The following RAPGEF5 variants were observed in gnomAD, a reference collection of about 807,000 sequenced individuals.
RAPGEF5 encodes M-Ras-regulated GEF.
RAPGEF5 carries 65 observed loss-of-function variants against 125.2 expected under a neutral mutation model. That is an observed-to-expected ratio of 0.52 (90% CI 0.43 to 0.64). The LOEUF is 0.64. Ranked by LOEUF, RAPGEF5 falls within the 30% of genes least tolerant of loss-of-function variation. The pLI is 0.00. For missense variants in RAPGEF5, 958 were observed against 1,048.1 expected (o/e 0.91, Z 1.19); for synonymous variants, 391 against 385.9 (o/e 1.01, Z -0.16).
In RAPGEF5 at chr7:22,308,417, T is replaced by C. The variant is rs1412200431; in HGVS notation, c.602A>G (p.Glu201Gly). 1 of 1,583,240 alleles carries C rather than the reference T, an allele frequency of 6.3e-7. No individual in the cohort carries two copies. Among genetic ancestry groups the C allele is most frequent in the African/African-American group, 1.3e-5 (1 of 74,368 alleles). ...CTTGACACCATTTTGCCATTCTTCT[T>C]CTCTTTCAAATTCACAGTACAAGTA... ...CSYLYCEFER[E>G]EEWQNGVKLL... is the part of the protein sequence containing the mutation. Residue 201 changes from glutamate to glycine, a missense_variant, in exon 5 of 26, where the codon GAA becomes GGA. By Grantham distance (98) the Glu-to-Gly change is moderately conservative. Coordinates refer to ENST00000665637, the MANE Select transcript of RAPGEF5 (RefSeq NM_012294.5).
At chr7:22,172,147 G>C (rs1784369567) in intron 11 of RAPGEF5, among the ~76,000 whole-genome samples, 2 of 151,622 alleles carry the variant, frequency 1.3e-5, no homozygotes, top group African/African-American at 4.8e-5. Flanking sequence ...TTTTGAGATG[G>C]AGTCTCACTC....
intron 24 of RAPGEF5, among the ~76,000 whole-genome samples, chr7:22,127,310 A>T (rs1255587087): frequency 6.6e-6 from 1 of 152,104 alleles, no homozygotes; most frequent in Non-Finnish European, 1.5e-5. Flanking sequence ...AAGGGCTGGG[A>T]TTACAGGCAT....
intron 2 of RAPGEF5, among the ~76,000 whole-genome samples, chr7:22,317,217 G>T (rs1374415544): frequency 6.7e-6 from 1 of 149,500 alleles, no homozygotes; most frequent in Non-Finnish European, 1.5e-5. Context: ...TCTCCTGTTA[G>T]CCTAAAAAAT....
chr7:22,325,050 C>A (rs1783786841), intron 1 of RAPGEF5, among the ~76,000 whole-genome samples: 1 of 152,170 alleles, frequency 6.6e-6, no homozygotes, highest in Non-Finnish European at 1.5e-5. Flanking sequence ...TTGCCATGAT[C>A]TCTGCTCTGT....
intron 1 of RAPGEF5, among the ~76,000 whole-genome samples, chr7:22,349,810 C>G (rs1221764349): frequency 2.0e-5 from 3 of 152,134 alleles, no homozygotes; most frequent in Non-Finnish European, 4.4e-5. Context: ...TAGTTCTGGG[C>G]TCCATTCTTT....
chr7:22,140,332 C>T (rs1260240166), intron 20 of RAPGEF5, among the ~76,000 whole-genome samples: 2 of 152,202 alleles, frequency 1.3e-5, no homozygotes, highest in East Asian at 1.9e-4. Flanking sequence ...GATCCGTGCT[C>T]TTGACACCCT....
At chr7:22,279,884 C>G (rs569595152) in intron 6 of RAPGEF5, among the ~76,000 whole-genome samples, 1 of 152,106 alleles carries the variant, frequency 6.6e-6, no homozygotes, top group Non-Finnish European at 1.5e-5. Flanking sequence ...GCAAATGGGG[C>G]ACATGGAGGC....
intron 11 of RAPGEF5, among the ~76,000 whole-genome samples, chr7:22,191,138 C>T (rs576534571): frequency 2.6e-5 from 4 of 152,254 alleles, no homozygotes; most frequent in Admixed American, 2.0e-4. Flanking sequence ...GACAAGGGGT[C>T]CTGTTACTTT....
At chr7:22,293,977 C>T (rs901828322) in intron 5 of RAPGEF5, among the ~76,000 whole-genome samples, 8 of 152,172 alleles carry the variant, frequency 5.3e-5, no homozygotes, top group Admixed American at 3.3e-4. Flanking sequence ...TGTGTAAATA[C>T]TTTTCAGTGC....
At chr7:22,124,254 A>G (rs1782670485) in intron 25 of RAPGEF5, among the ~76,000 whole-genome samples, 1 of 152,232 alleles carries the variant, frequency 6.6e-6, no homozygotes, top group Non-Finnish European at 1.5e-5. Context: ...AATCCCCAGT[A>G]AACACTTGGG....
intron 4 of RAPGEF5, 141 bp from the exon 5 acceptor site, chr7:22,308,648 T>C (rs560374005): frequency 2.9e-6 from 2 of 683,694 alleles, no homozygotes; most frequent in Non-Finnish European, 4.5e-6. Flanking sequence ...AGCTCATTCA[T>C]GTTTATAATC....
chr7:22,147,067 G>C, intron 18 of RAPGEF5, 48 bp from the exon 19 acceptor site: 1 of 1,598,974 alleles, frequency 6.3e-7, no homozygotes, highest in Non-Finnish European at 8.5e-7. Flanking sequence ...CAAATGTTTT[G>C]CACTGCATTG....
chr7:22,185,851 TTAATC>T (rs2128123275), intron 11 of RAPGEF5, among the ~76,000 whole-genome samples: 1 of 152,076 alleles, frequency 6.6e-6, no homozygotes, highest in African/African-American at 2.4e-5. Flanking sequence ...TGCAAACAAA[TTAATC>T]TAATTTTTTT....
rs1336541796 is a variant in RAPGEF5 at position 22,222,226 on chromosome 7, G to A, written c.871-2235C>T. 5.3e-5 allele frequency among the ~76,000 whole-genome samples: 8 copies of A among 152,118 alleles called. No individual in the cohort carries two copies. In the East Asian group the frequency reaches 1.4e-3, roughly 26 times the overall value. ...ACGCCAGTGCACTGGACGACAGAGC[G>A]AGAGTCCATCTCAAAACAAAAACAA... is the stretch of plus-strand genomic sequence containing the variant. On this transcript the variant is annotated intron_variant, in intron 8 of 25. Transcript: ENST00000665637.
intron 7 of RAPGEF5, among the ~76,000 whole-genome samples, chr7:22,249,158 A>C (rs1263591903): frequency 6.6e-6 from 1 of 152,116 alleles, no homozygotes; most frequent in Admixed American, 6.6e-5. Flanking sequence ...AGATACACTT[A>C]ATTGGAGCCA....
At chr7:22,207,658 T>G (rs1388157572) in intron 9 of RAPGEF5, among the ~76,000 whole-genome samples, 1 of 152,232 alleles carries the variant, frequency 6.6e-6, no homozygotes, top group Non-Finnish European at 1.5e-5. Flanking sequence ...CTCTGGACTG[T>G]TAAACACCTG....
Position 22,160,522 on chromosome 7 carries a change from G to T in RAPGEF5, c.1522C>A (p.Arg508Ser). 1.3e-6 allele frequency: 2 copies of T among 1,540,378 alleles called. No homozygotes were observed. Among genetic ancestry groups the T allele is most frequent in the South Asian group, 1.2e-5 (1 of 80,708 alleles). The change falls in exon 14 of 26, where the codon CGT becomes AGT. Residue 508 changes from arginine to serine, a missense_variant. Physicochemically the swap from Arg to Ser is moderately radical, Grantham distance 110. Coordinates refer to ENST00000665637, the MANE Select transcript of RAPGEF5 (RefSeq NM_012294.5). ...TTAGGAAAATGAAATACTTACTGAC[G>T]ACGGTGCATTCCAAGTATCTTTTGA... ...EFQKILGMHRRHTVDEYSPQK... is the reference protein window; with the variant it reads ...EFQKILGMHRSHTVDEYSPQK...
intron 7 of RAPGEF5, among the ~76,000 whole-genome samples, chr7:22,231,280 T>C (rs1583500842): frequency 6.6e-6 from 1 of 152,196 alleles, no homozygotes; most frequent in African/African-American, 2.4e-5. Context: ...TTTTTTTTAA[T>C]GTGGCTTTCT....
At chr7:22,344,787 CT>C (rs1349121098) in intron 1 of RAPGEF5, among the ~76,000 whole-genome samples, 1 of 152,222 alleles carries the variant, frequency 6.6e-6, no homozygotes, top group Non-Finnish European at 1.5e-5. Context: ...GCCAGTTACT[CT>C]GCAGAAACCA....
Sources: allele counts gnomAD v4.1 joint callset (sites outside exome capture counted in the v4.1 genomes callset), GRCh38; gene constraint gnomAD v4.1.1; transcripts MANE v1.5; gene names NCBI Gene and HGNC (gene_info 2026-07-23, HGNC 2026-07-21).